MVP: variants seen among roughly 807,000 people sequenced by gnomAD.
The protein encoded by MVP is major vault protein, also known as lung resistance-related protein.
A neutral mutation model predicts 83.5 loss-of-function variants in MVP; 62 were observed. The observed-to-expected ratio is 0.74, with a 90% CI of 0.61 to 0.92. MVP has a LOEUF of 0.92. MVP is among the 40% of genes least tolerant of loss of function. The probability of loss-of-function intolerance (pLI) is 0.00; values close to 1 mark genes in which losing one functional copy is unlikely to be tolerated. For missense variants in MVP, 1,000 were observed against 1,203.4 expected, an observed-to-expected ratio of 0.83 and a Z score of 2.50; for synonymous variants, 505 against 504.1, an observed-to-expected ratio of 1.00 and a Z score of -0.02.
rs757781726 is a variant in MVP, at chr16:29,842,010, G to A, written c.1532G>A (p.Arg511His). The A allele has an allele frequency of 6.8e-6, 11 of 1,611,702 alleles. No individual in the cohort carries two copies. The highest frequency in any genetic ancestry group is 6.7e-5 in the African/African-American group (5 of 74,910). The change falls in exon 10 of 15, where the codon CGC becomes CAC. Residue 511 changes from arginine to histidine, a missense_variant. By Grantham distance (29) the Arg-to-His change is conservative. Coordinates refer to ENST00000357402, the MANE Select transcript of MVP (RefSeq NM_005115.5). ...SAGRPKRPHA[R>H]RALCLLLGPD... ...GGGCGGCCCAAGCGTCCCCATGCCCGCCGTGCGCTCTGCCTGCTGCTGGGG... is the reference window on the plus strand; with the variant it reads ...GGGCGGCCCAAGCGTCCCCATGCCCACCGTGCGCTCTGCCTGCTGCTGGGG...
intron 7 of MVP, among the ~76,000 whole-genome samples, chr16:29,838,836 A>G (rs2067509614): frequency 6.6e-6 from 1 of 152,156 alleles, no homozygotes; most frequent in African/African-American, 2.4e-5. Flanking sequence ...TCTAGGAAAA[A>G]CAAAAAATAA....
chr16:29,822,791 C>T (rs980734390), intron 1 of MVP: 6 of 152,306 alleles, frequency 3.9e-5, no homozygotes, highest in African/African-American at 9.6e-5. Flanking sequence ...AATCTCGACT[C>T]ACTGCAACCT....
intron 7 of MVP, 162 bp from the exon 8 acceptor site, chr16:29,840,016 A>G (rs1205545161): frequency 1.7e-5 from 11 of 637,388 alleles, no homozygotes; most frequent in Non-Finnish European, 2.9e-5. Flanking sequence ...AGAGCCTCAC[A>G]GTCCAGACAG....
chr16:29,822,087 G>GTTTT (rs201002535), intron 1 of MVP, among the ~76,000 whole-genome samples: 1 of 138,468 alleles, frequency 7.2e-6, no homozygotes, highest in Non-Finnish European at 1.6e-5. Context: ...TTGGGGTTTT[G>GTTTT]TTTTTTTTTT....
chr16:29,841,546 TCCTC>T lies in MVP; in HGVS notation c.1192-46_1192-43del, dbSNP rs1243060226. 9.2e-6 allele frequency: 14 copies of T among 1,523,602 alleles called. No individual in the cohort carries two copies. Among genetic ancestry groups the T allele is most frequent in the Non-Finnish European group, 1.1e-5 (12 of 1,136,614 alleles). 94.4% of individuals were successfully genotyped at this position (1,523,602 alleles called of 1,614,324 possible). A position where few individuals can be genotyped will look rare whatever the true frequency, so the allele number is the denominator to read the frequency against. On this transcript the variant is annotated intron_variant, in intron 8 of 14. Coordinates refer to ENST00000357402, the MANE Select transcript of MVP (RefSeq NM_005115.5). The surrounding 1 kb of genome is among the most constrained non-coding windows in gnomAD (Gnocchi z 4.7). ...TGCTTTGGGACAGCTGGGCGGATCT[TCCTC>T]CCTTCCACCCTTACGGGCAGCTTCC...
chr16:29,832,391 A>T (rs760474528), intron 3 of MVP, among the ~76,000 whole-genome samples: 1 of 134,524 alleles, frequency 7.4e-6, no homozygotes, highest in Non-Finnish European at 1.5e-5. Context: ...TCTGCCTCCC[A>T]GGTTCACGCA....
chr16:29,823,122 C>CTT (rs66512916), intron 1 of MVP, among the ~76,000 whole-genome samples: 2,180 of 98,476 alleles, frequency 0.022, 118 homozygotes, highest in Non-Finnish European at 0.031. Context: ...CTTTTCTTTT[C>CTT]TTTTTTTTTT....
At position 29,847,259 on chromosome 16, in the gene MVP, G is replaced by A. The variant is rs371702226; in HGVS notation, c.2328G>A (p.Gln776=). Residue 776 remains glutamine (Q), a synonymous_variant, in exon 14 of 15, where the codon CAG becomes CAA. Coordinates refer to ENST00000357402, the MANE Select transcript of MVP (RefSeq NM_005115.5). The part of the protein sequence containing the change: ...RELELVYARA[Q]LELEVSKAQQ... ...TGGAACTGGTCTATGCCCGGGCCCAGCTGGAGCTGGAGGTGAGCAAGGCTC... is the reference window on the plus strand; with the variant it reads ...TGGAACTGGTCTATGCCCGGGCCCAACTGGAGCTGGAGGTGAGCAAGGCTC... The A allele has an allele frequency of 1.9e-6, 3 of 1,613,792 alleles. No individual in the cohort carries two copies. Among genetic ancestry groups the A allele is most frequent in the African/African-American group, 2.7e-5 (2 of 74,994 alleles).
Position 29,847,280 on chromosome 16 carries a change from G to T in MVP, c.2349G>T (p.Lys783Asn), listed in dbSNP as rs755239611. 3 of 1,613,694 alleles carry T rather than the reference G, an allele frequency of 1.9e-6. No individual in the cohort carries two copies. Among genetic ancestry groups the T allele is most frequent in the Non-Finnish European group, 2.5e-6 (3 of 1,179,970 alleles). ...ARAQLELEVSKAQQLAEVEVK... is the reference protein window; with the variant it reads ...ARAQLELEVSNAQQLAEVEVK... ...CCCAGCTGGAGCTGGAGGTGAGCAAGGCTCAGCAGCTGGCTGAGGTGGAGG... is the reference window on the plus strand; with the variant it reads ...CCCAGCTGGAGCTGGAGGTGAGCAATGCTCAGCAGCTGGCTGAGGTGGAGG... Residue 783 changes from lysine to asparagine, a missense_variant, in exon 14 of 15, where the codon AAG becomes AAT. Physicochemically the swap from Lys to Asn is moderately conservative, Grantham distance 94. Coordinates refer to ENST00000357402, the MANE Select transcript of MVP (RefSeq NM_005115.5).
In MVP at chr16:29,844,568, T is replaced by C. The variant is rs777484422; in HGVS notation, c.1710T>C (p.Asp570=). Residue 570 remains aspartate, a synonymous_variant, in exon 11 of 15, where the codon GAT becomes GAC. Transcript: ENST00000357402. ...KLFSVPDFVG[D]ACKAIASRVR... The stretch of plus-strand genomic sequence containing the variant: ...TTTCAGTGCCAGACTTTGTAGGTGA[T>C]GCCTGCAAAGCCATCGCATCCCGGG... 21 of 1,607,436 alleles carry C rather than the reference T, an allele frequency of 1.3e-5. No individual in the cohort carries two copies. The highest frequency in any genetic ancestry group is 6.7e-5 in the African/African-American group (5 of 74,806).
intron 3 of MVP, 138 bp from the exon 4 acceptor site, chr16:29,833,595 C>T: frequency 8.7e-7 from 1 of 1,151,166 alleles, no homozygotes; most frequent in Non-Finnish European, 1.2e-6. Flanking sequence ...CAGGTGTGAG[C>T]CACTGTGCCC....
intron 1 of MVP, among the ~76,000 whole-genome samples, chr16:29,822,112 A>G (rs1357170668): frequency 1.3e-5 from 2 of 148,206 alleles, no homozygotes; most frequent in Admixed American, 6.7e-5. Context: ...TTAAAGAATT[A>G]TAGCTCAGTC....
chr16:29,831,383 AC>A (rs1201295724), intron 3 of MVP, among the ~76,000 whole-genome samples: 1 of 151,612 alleles, frequency 6.6e-6, no homozygotes, highest in African/African-American at 2.4e-5. Flanking sequence ...CAAACTCCCG[AC>A]CCCAGGTGAT....
intron 6 of MVP, 95 bp from the exon 7 acceptor site, chr16:29,836,627 C>CTGGGAGCAT (rs2067489292): frequency 1.7e-5 from 16 of 924,258 alleles, no homozygotes; most frequent in Admixed American, 2.6e-5. Context: ...TCTCTGAGAT[C>CTGGGAGCAT]TGGGAGCATT....
chr16:29,830,987 G>A lies in MVP; in HGVS notation c.235G>A (p.Gly79Arg), dbSNP rs1386563348. Residue 79 changes from glycine (G) to arginine (R), a missense_variant, in exon 3 of 15, where the codon GGG (glycine) becomes AGG (arginine). Physicochemically the swap from Gly to Arg is moderately radical, Grantham distance 125. Coordinates refer to ENST00000357402, the MANE Select transcript of MVP (RefSeq NM_005115.5). ...GGGCTTGGTGCTGTTTGATGTCACAGGGCAAGTTCGGCTTCGCCACGCTGA... is the reference window on the plus strand; with the variant it reads ...GGGCTTGGTGCTGTTTGATGTCACAAGGCAAGTTCGGCTTCGCCACGCTGA... Reference protein sequence around the residue: ...AQGLVLFDVTGQVRLRHADLE... With the variant: ...AQGLVLFDVTRQVRLRHADLE... The A allele has an allele frequency of 7.4e-6, 12 of 1,613,808 alleles. No individual in the cohort carries two copies. In the East Asian group the frequency reaches 2.5e-4, roughly 33 times the overall value.
At chr16:29,833,196 TC>T (rs1479686034) in intron 3 of MVP, 1 of 155,620 alleles carries the variant, frequency 6.4e-6, no homozygotes, top group Non-Finnish European at 1.4e-5. Context: ...ACCACTGCAG[TC>T]CAGCCTGGAT....
At chr16:29,838,045 T>G (rs1449393098) in intron 7 of MVP, among the ~76,000 whole-genome samples, 2 of 152,170 alleles carry the variant, frequency 1.3e-5, no homozygotes, top group Non-Finnish European at 2.9e-5. Context: ...TCTTCAACTC[T>G]GCTGTTATGT....
Position 29,847,818 on chromosome 16 carries a change from T to A in MVP, c.2511T>A (p.Thr837=). The change falls in exon 15 of 15, where the codon ACT becomes ACA. Residue 837 remains threonine (T), a synonymous_variant. Transcript: ENST00000357402. ...CAACCCTCATCACCGATGGCTCCAC[T>A]CCCATCAACCTCTTCAACACAGCCT... is the stretch of plus-strand genomic sequence containing the variant. ...LKSTLITDGS[T]PINLFNTAFG... The A allele has an allele frequency of 6.2e-7, 1 of 1,614,136 alleles. No individual in the cohort carries two copies. The highest frequency in any genetic ancestry group is 2.2e-5 in the East Asian group (1 of 44,874).
At chr16:29,829,079 T>C in intron 1 of MVP, among the ~76,000 whole-genome samples, 1 of 150,706 alleles carries the variant, frequency 6.6e-6, no homozygotes, top group Admixed American at 6.6e-5. Flanking sequence ...ACCACTTTTT[T>C]TTTTTTTTTT....
Sources: allele counts gnomAD v4.1 joint callset (sites outside exome capture counted in the v4.1 genomes callset), GRCh38; gene constraint gnomAD v4.1.1; non-coding constraint Gnocchi (gnomAD v3.1); transcripts MANE v1.5; gene names NCBI Gene and HGNC (gene_info 2026-07-23, HGNC 2026-07-21).